The following PCLAF variants were observed in gnomAD, a reference collection of about 807,000 sequenced individuals.
PCLAF encodes PCNA clamp associated factor.
Under a neutral mutation model 15.1 loss-of-function variants are expected in PCLAF, and 12 were observed. That is an observed-to-expected ratio of 0.79 (90% CI 0.51 to 1.29). The LOEUF is 1.29. Ranked by LOEUF, PCLAF falls within the 50% of genes most tolerant of loss-of-function variation. The pLI, the probability that PCLAF is intolerant of heterozygous loss-of-function variation, is 0.00. For missense variants in PCLAF, 116 were observed against 130.9 expected (o/e 0.89, Z 0.56); for synonymous variants, 33 against 47.1 (o/e 0.70, Z 1.22).
Position 64,381,116 on chromosome 15 carries a change from G to C in PCLAF, c.47-78C>G, listed in dbSNP as rs190689392. On this transcript the variant is annotated intron_variant, in intron 1 of 3. Transcript: ENST00000300035. ...CCGAGTCCTGGACCCCAGCAGCTTG[G>C]AGAGGAGAGCCTGGCGATCCAGAAC... 3.8e-4 allele frequency: 538 copies of C among 1,414,664 alleles called. 3 individuals carry two copies. The African/African-American group carries it at 6.7e-3, about 18-fold the overall frequency. 87.6% of individuals were successfully genotyped at this position (1,414,664 alleles called of 1,614,324 possible).
At chr15:64,374,935 T>C (rs1899546679) in intron 3 of PCLAF, among the ~76,000 whole-genome samples, 1 of 151,516 alleles carries the variant, frequency 6.6e-6, no homozygotes, top group Admixed American at 6.6e-5. Context: ...ACTCGGAAAC[T>C]TTTTTTTAAA....
chr15:64,378,561 T>A (rs1899709098), intron 2 of PCLAF, among the ~76,000 whole-genome samples: 1 of 152,158 alleles, frequency 6.6e-6, no homozygotes, highest in South Asian at 2.1e-4. Context: ...AAGATAGTGA[T>A]CTTTTGGTTC....
chr15:64,375,205 A>G (rs1899558834), intron 3 of PCLAF, among the ~76,000 whole-genome samples: 1 of 152,102 alleles, frequency 6.6e-6, no homozygotes, highest in African/African-American at 2.4e-5. Context: ...GCTCACTGCA[A>G]CCAACACCTT....
upstream of PCLAF, chr15:64,381,459 C>T: frequency 6.2e-7 from 1 of 1,612,058 alleles, no homozygotes; most frequent in Non-Finnish European, 8.5e-7. Context: ...AACTATCCCG[C>T]CACAGTTTAT....
intron 3 of PCLAF, among the ~76,000 whole-genome samples, chr15:64,369,177 C>A (rs1430318290): frequency 6.6e-6 from 1 of 151,944 alleles, no homozygotes. Context: ...GCCTAGGCAA[C>A]ATAGCAAGGC....
intron 2 of PCLAF, among the ~76,000 whole-genome samples, chr15:64,380,082 T>C (rs1160658612): frequency 3.9e-5 from 6 of 152,196 alleles, no homozygotes; most frequent in Non-Finnish European, 8.8e-5. Flanking sequence ...TAGCCTCTGT[T>C]ATTATTAAGA....
intron 3 of PCLAF, 130 bp downstream of exon 3, chr15:64,376,613 T>C: frequency 1.6e-6 from 1 of 633,692 alleles, no homozygotes; most frequent in Non-Finnish European, 2.7e-6. Flanking sequence ...GAGACAGGGT[T>C]CCACCATGTT....
upstream of PCLAF, among the ~76,000 whole-genome samples, chr15:64,382,040 A>T (rs1248185439): frequency 6.6e-6 from 1 of 152,180 alleles, no homozygotes; most frequent in East Asian, 1.9e-4. Context: ...TACACACATA[A>T]AAAGAAACTA....
chr15:64,368,950 A>AT (rs1899164259), intron 3 of PCLAF, among the ~76,000 whole-genome samples: 9 of 152,224 alleles, frequency 5.9e-5, no homozygotes, highest in Admixed American at 3.9e-4. Flanking sequence ...AGTCTTGACT[A>AT]TCAGCTTGTT....
intron 3 of PCLAF, among the ~76,000 whole-genome samples, chr15:64,369,793 C>T (rs142677195): frequency 6.6e-6 from 1 of 152,086 alleles, no homozygotes; most frequent in African/African-American, 2.4e-5. Context: ...CTCTTTCAGC[C>T]ATCTATTTTT....
rs1402488414 is a variant in PCLAF, at chr15:64,376,841, T to C, written c.192A>G (p.Gly64=). 6.2e-7 allele frequency: 1 copy of C among 1,614,042 alleles called. No individual in the cohort carries two copies. The highest frequency in any genetic ancestry group is 1.1e-5 in the South Asian group (1 of 91,078). Residue 64 remains glycine (G), a synonymous_variant, in exon 3 of 4, where the codon GGA becomes GGG. Coordinates refer to ENST00000300035, the MANE Select transcript of PCLAF (RefSeq NM_014736.6). ...CVRPTPKWQK[G]IGEFFRLSPK... ...GGGACAACCTAAAGAATTCTCCAAT[T>C]CCTTTTTGCCACTTGGGAGTTGGGC...
At chr15:64,373,025 T>C (rs981922621) in intron 3 of PCLAF, 2 of 152,166 alleles carry the variant, frequency 1.3e-5, no homozygotes, top group Admixed American at 6.5e-5. Flanking sequence ...AACTTAGCAA[T>C]GTAAATCTAG....
intron 1 of PCLAF, 35 bp downstream of exon 1, chr15:64,381,291 C>T (rs770605302): frequency 3.1e-6 from 5 of 1,609,884 alleles, no homozygotes; most frequent in Middle Eastern, 1.7e-4. Flanking sequence ...CGGGAGGACC[C>T]CCCCGCCCTC....
At chr15:64,378,159 C>T (rs972687523) in intron 2 of PCLAF, among the ~76,000 whole-genome samples, 7 of 152,112 alleles carry the variant, frequency 4.6e-5, no homozygotes, top group Admixed American at 1.3e-4. Context: ...ATCTCCTGAC[C>T]TCATGATCCG....
Position 64,365,297 on chromosome 15 carries a change from C to T in PCLAF, c.*733G>A, listed in dbSNP as rs6494476. 122,033 of 152,470 alleles carry T rather than the reference C, an allele frequency of 0.8. 49,925 individuals are homozygous for T. The highest frequency in any genetic ancestry group is 0.95 in the East Asian group (4,925 of 5,194). 9.4% of individuals were successfully genotyped at this position (152,470 alleles called of 1,614,324 possible). A position where few individuals can be genotyped will look rare whatever the true frequency, so the allele number is the denominator to read the frequency against. ...GATTACAGGCGTGAGCCACCGCACC[C>T]GGCTAAAAATTGTTTTAGAGATAGG... On this transcript the variant is annotated 3_prime_UTR_variant, in exon 4 of 4. Transcript: ENST00000300035.
At chr15:64,370,449 C>T (rs1899239610) in intron 3 of PCLAF, among the ~76,000 whole-genome samples, 5 of 151,230 alleles carry the variant, frequency 3.3e-5, no homozygotes, top group Admixed American at 6.6e-5. Flanking sequence ...CTCACTGCAA[C>T]CTCCGCCTCC....
chr15:64,373,390 T>G, intron 3 of PCLAF: 1 of 283,512 alleles, frequency 3.5e-6, no homozygotes, highest in Non-Finnish European at 6.5e-6. Flanking sequence ...ATTAGTAGAT[T>G]TGATGAAGAC....
intron 3 of PCLAF, among the ~76,000 whole-genome samples, chr15:64,371,247 C>T (rs1237383335): frequency 6.6e-6 from 1 of 150,544 alleles, no homozygotes; most frequent in Non-Finnish European, 1.5e-5. Flanking sequence ...GGATTACAGG[C>T]GTGAGCCACT....
At chr15:64,383,479 G>A (rs1340345957), upstream of PCLAF, among the ~76,000 whole-genome samples, 1 of 151,530 alleles carries the variant, frequency 6.6e-6, no homozygotes, top group Non-Finnish European at 1.5e-5. Context: ...CAATTCTCCT[G>A]CCTCAGCCTC....
Sources: allele counts gnomAD v4.1 joint callset (sites outside exome capture counted in the v4.1 genomes callset), GRCh38; gene constraint gnomAD v4.1.1; transcripts MANE v1.5; gene names NCBI Gene and HGNC (gene_info 2026-07-23, HGNC 2026-07-21).